Variants in LATS1 observed in about 807,000 individuals in gnomAD.
LATS1 encodes serine/threonine-protein kinase LATS1.
Under a neutral mutation model 106.6 loss-of-function variants are expected in LATS1, and 25 were observed. The observed-to-expected ratio is 0.23, with a 90% confidence interval of 0.17 to 0.33. LATS1 has a LOEUF of 0.33. LATS1 is among the 10% of genes least tolerant of loss of function. LATS1 has a pLI of 1.00. For synonymous variants in LATS1, 465 were observed against 455.6 expected (o/e 1.02, Z -0.26); for missense variants, 1,040 against 1,382.6 (o/e 0.75, Z 3.93).
In LATS1 at chr6:149,695,054, T is replaced by A; in HGVS notation, c.496+20A>T. On this transcript the variant is annotated intron_variant, in intron 3 of 7. Transcript: ENST00000543571. ...CACAGTAAAAGAAGAGATGAGAAAATAAAATATTTGATTAATCACCTGGTT... is the reference window on the plus strand; with the variant it reads ...CACAGTAAAAGAAGAGATGAGAAAAAAAAATATTTGATTAATCACCTGGTT... 1 of 1,559,830 alleles carries A rather than the reference T, an allele frequency of 6.4e-7. No individual in the cohort carries two copies. The highest frequency in any genetic ancestry group is 8.6e-7 in the Non-Finnish European group (1 of 1,157,258).
chr6:149,685,741 T>C (rs1357981032), intron 3 of LATS1, among the ~76,000 whole-genome samples: 1 of 151,900 alleles, frequency 6.6e-6, no homozygotes, highest in Non-Finnish European at 1.5e-5. Flanking sequence ...AGCTGAATAT[T>C]AAATAAAGTA....
At chr6:149,705,464 T>C (rs1335590497) in intron 1 of LATS1, among the ~76,000 whole-genome samples, 3 of 152,152 alleles carry the variant, frequency 2.0e-5, no homozygotes, top group African/African-American at 4.8e-5. Context: ...AGTATCTGGA[T>C]TGCAATTCAT....
intron 1 of LATS1, among the ~76,000 whole-genome samples, chr6:149,712,681 T>G (rs1328164328): frequency 6.6e-6 from 1 of 152,176 alleles, no homozygotes; most frequent in African/African-American, 2.4e-5. Context: ...CTAAGCATGC[T>G]TTTCTACATT....
chr6:149,694,765 T>C lies in LATS1; in HGVS notation c.496+309A>G, dbSNP rs149710668. 3.8e-3 allele frequency among the ~76,000 whole-genome samples: 578 copies of C among 152,176 alleles called. 4 individuals carry two copies. The highest frequency in any genetic ancestry group is 0.013 in the African/African-American group (532 of 41,554). On this transcript the variant is annotated intron_variant, in intron 3 of 7. Transcript: ENST00000543571. The stretch of plus-strand genomic sequence containing the variant: ...ACTCCCATAATATGAAAAAAATATA[T>C]AAAAAGAAAAAAGAGTAGTCTGAAT...
At chr6:149,663,954 C>A (rs1158691700) in intron 7 of LATS1, among the ~76,000 whole-genome samples, 2 of 151,720 alleles carry the variant, frequency 1.3e-5, no homozygotes, top group African/African-American at 4.8e-5. Context: ...ATTACAGGTG[C>A]CCGCCACCTC....
chr6:149,702,517 C>T (rs7450246), intron 1 of LATS1, among the ~76,000 whole-genome samples: 60,862 of 151,290 alleles, frequency 0.4, 13,123 homozygotes, highest in East Asian at 0.81. Flanking sequence ...GTAAGCATAC[C>T]AAGCATTTAT....
intron 7 of LATS1, among the ~76,000 whole-genome samples, chr6:149,666,949 A>C (rs1397217475): frequency 6.6e-6 from 1 of 151,864 alleles, no homozygotes; most frequent in Non-Finnish European, 1.5e-5. Context: ...GTCTCAAAAA[A>C]AAAAAAAAAA....
intron 1 of LATS1, among the ~76,000 whole-genome samples, chr6:149,708,023 A>G (rs1783884928): frequency 6.6e-6 from 1 of 152,018 alleles, no homozygotes; most frequent in Admixed American, 6.6e-5. Flanking sequence ...TTAAAAAAGA[A>G]AAAAAAAGGA....
In LATS1 at chr6:149,683,560, G is replaced by C; in HGVS notation, c.1529C>G (p.Thr510Ser). Reference sequence around the variant, plus strand: ...AGAAGGGTGTGTAGGTGCTAAAGCAGTCTGTAGCTCTGGTTTTAATACACG... The same window carrying C: ...AGAAGGGTGTGTAGGTGCTAAAGCACTCTGTAGCTCTGGTTTTAATACACG... ...SMRVLKPELQ[T>S]ALAPTHPSWI... The change falls in exon 4 of 8, where the codon ACT becomes AGT. Residue 510 changes from threonine (T) to serine (S), a missense_variant. Coordinates refer to ENST00000543571, the MANE Select transcript of LATS1 (RefSeq NM_004690.4). The C allele has an allele frequency of 7.4e-6, 12 of 1,614,248 alleles. No homozygotes were observed. The highest frequency in any genetic ancestry group is 7.6e-6 in the Non-Finnish European group (9 of 1,180,032).
chr6:149,668,322 G>A (rs1781266760), intron 7 of LATS1, among the ~76,000 whole-genome samples: 1 of 152,022 alleles, frequency 6.6e-6, no homozygotes. Context: ...ATCTGCTTTA[G>A]GAAGTTGTTC....
chr6:149,684,736 T>A (rs1225384002), intron 3 of LATS1, 144 bp from the exon 4 acceptor site: 1 of 605,130 alleles, frequency 1.7e-6, no homozygotes, highest in East Asian at 2.9e-5. Context: ...GTTCAAGTGA[T>A]CTCTTGTACA....
In LATS1 at chr6:149,671,625, T is replaced by C. The variant is rs181421611; in HGVS notation, c.2883+4635A>G. Among the ~76,000 whole-genome samples, 363 of 152,148 alleles carry C rather than the reference T, an allele frequency of 2.4e-3. 3 individuals are homozygous for C. The highest frequency in any genetic ancestry group is 3.9e-3 in the Non-Finnish European group (263 of 68,030). The stretch of plus-strand genomic sequence containing the variant: ...TGCCACTATCTTACTGTCTACATTA[T>C]TGAAGCTTCACAGTACATTTTAAAA... On this transcript the variant is annotated intron_variant, in intron 7 of 7. Coordinates refer to ENST00000543571, the MANE Select transcript of LATS1 (RefSeq NM_004690.4).
intron 7 of LATS1, among the ~76,000 whole-genome samples, chr6:149,671,914 AG>A (rs1211402517): frequency 2.0e-5 from 3 of 151,520 alleles, no homozygotes; most frequent in African/African-American, 7.3e-5. Context: ...TTTGAGACAG[AG>A]TCTCACTCTG....
intron 7 of LATS1, among the ~76,000 whole-genome samples, chr6:149,675,268 G>C (rs562636759): frequency 6.6e-6 from 1 of 151,358 alleles, no homozygotes; most frequent in East Asian, 1.9e-4. Context: ...ACTTCAGAAA[G>C]GAGGAAGGGT....
intron 3 of LATS1, among the ~76,000 whole-genome samples, chr6:149,685,020 G>A (rs1393734146): frequency 2.0e-4 from 31 of 152,112 alleles, no homozygotes; most frequent in Non-Finnish European, 7.4e-5. Flanking sequence ...CAGATCACTT[G>A]AGGCCAGGAG....
At chr6:149,712,741 TC>T (rs1190236044) in intron 1 of LATS1, among the ~76,000 whole-genome samples, 3 of 152,144 alleles carry the variant, frequency 2.0e-5, no homozygotes, top group Non-Finnish European at 2.9e-5. Flanking sequence ...TGCCTGTAAT[TC>T]CAAAACTTTT....
intron 1 of LATS1, among the ~76,000 whole-genome samples, chr6:149,715,130 G>T (rs958482817): frequency 2.0e-5 from 3 of 151,804 alleles, no homozygotes; most frequent in African/African-American, 7.3e-5. Flanking sequence ...GTGCCGTGGT[G>T]CCATCTCAGC....
chr6:149,665,096 T>A (rs1056364366), intron 7 of LATS1, among the ~76,000 whole-genome samples: 3 of 152,188 alleles, frequency 2.0e-5, no homozygotes, highest in Non-Finnish European at 4.4e-5. Flanking sequence ...CAGTGGCTCA[T>A]CACGCCTGTA....
At chr6:149,690,881 T>G (rs1782706841) in intron 3 of LATS1, among the ~76,000 whole-genome samples, 1 of 152,194 alleles carries the variant, frequency 6.6e-6, no homozygotes, top group Non-Finnish European at 1.5e-5. Flanking sequence ...TGTTATAAAA[T>G]TATGAATTGA....
Sources: allele counts gnomAD v4.1 joint callset (sites outside exome capture counted in the v4.1 genomes callset), GRCh38; gene constraint gnomAD v4.1.1; transcripts MANE v1.5; gene names NCBI Gene and HGNC (gene_info 2026-07-23, HGNC 2026-07-21).